The following CUEDC2 variants were observed in gnomAD, a reference collection of about 807,000 sequenced individuals.
CUEDC2 encodes CUE domain-containing protein 2.
A neutral mutation model predicts 36.0 loss-of-function variants in CUEDC2; 10 were observed. That is an observed-to-expected ratio of 0.28 (90% CI 0.17 to 0.47). The LOEUF (loss-of-function observed/expected upper bound fraction) is 0.47, where lower values mean the gene tolerates loss of function less well. CUEDC2 is among the 20% of genes least tolerant of loss of function. CUEDC2 has a pLI of 0.99. For synonymous variants in CUEDC2, 133 were observed against 141.8 expected (o/e 0.94, Z 0.44); for missense variants, 269 against 368.1 (o/e 0.73, Z 2.20).
At chr10:102,429,611 C>T (rs918745859) in intron 1 of CUEDC2, among the ~76,000 whole-genome samples, 1 of 147,728 alleles carries the variant, frequency 6.8e-6, no homozygotes, top group Non-Finnish European at 1.5e-5. Flanking sequence ...ATACCACCTG[C>T]GCCAGAGCCC....
intron 1 of CUEDC2, among the ~76,000 whole-genome samples, chr10:102,428,895 G>A (rs960762294): frequency 1.3e-5 from 2 of 151,868 alleles, no homozygotes; most frequent in Admixed American, 6.6e-5. Flanking sequence ...GGTGGCACGC[G>A]CCTGTAGTCC....
At position 102,423,504 on chromosome 10, in the gene CUEDC2, A is replaced by T; in HGVS notation, c.786T>A (p.Asp262Glu). The change falls in exon 9 of 9, where the codon GAT (aspartate) becomes GAA (glutamate). Residue 262 changes from aspartate (D) to glutamate (E), a missense_variant. Physicochemically the swap from Asp to Glu is conservative, Grantham distance 45. Transcript: ENST00000369937. The surrounding 1 kb of genome is among the most constrained non-coding windows in gnomAD (Gnocchi z 5.6). ...VVSTKGERFK[D>E]VRNPEAEEMK... ...TCTCCTCGGCCTCAGGGTTCCGCAC[A>T]TCTTTGAATCGCTCCCCTTTGGTGC... is the stretch of plus-strand genomic sequence containing the variant. 1 of 1,614,170 alleles carries T rather than the reference A, an allele frequency of 6.2e-7. No individual in the cohort carries two copies. The highest frequency in any genetic ancestry group is 8.5e-7 in the Non-Finnish European group (1 of 1,180,034).
In CUEDC2 at chr10:102,423,583, A is replaced by G. The variant is rs1178454084; in HGVS notation, c.718-11T>C. On this transcript the variant is annotated splice_polypyrimidine_tract_variant and intron_variant, in intron 8 of 8. Coordinates refer to ENST00000369937, the MANE Select transcript of CUEDC2 (RefSeq NM_024040.3). This position sits in a 1 kb window ranked among gnomAD's most constrained non-coding sequence, Gnocchi z 5.6. ...CAGCTTCTTGGGGGCCTGTCAGGCA[A>G]TCAGCAGTGAGTGGCAGAAGCCAGG... 3 of 1,614,026 alleles carry G rather than the reference A, an allele frequency of 1.9e-6. No homozygotes were observed. The highest frequency in any genetic ancestry group is 2.2e-5 in the East Asian group (1 of 44,896).
chr10:102,430,712 C>G (rs773141332), intron 1 of CUEDC2, among the ~76,000 whole-genome samples: 1 of 152,174 alleles, frequency 6.6e-6, no homozygotes. Context: ...TCCCCATCCC[C>G]GGTAGCCTTC....
chr10:102,424,278 C>G lies in CUEDC2; in HGVS notation c.397G>C (p.Asp133His), dbSNP rs779214216. 1 of 1,613,822 alleles carries G rather than the reference C, an allele frequency of 6.2e-7. No individual in the cohort carries two copies. Among genetic ancestry groups the G allele is most frequent in the South Asian group, 1.1e-5 (1 of 91,024 alleles). Residue 133 changes from aspartate (D) to histidine (H), a missense_variant, in exon 5 of 9, where the codon GAC becomes CAC. Transcript: ENST00000369937. The surrounding 1 kb of genome is among the most constrained non-coding windows in gnomAD (Gnocchi z 4.2). Reference sequence around the variant, plus strand: ...TCTACCAGTACCTCATCTTGGGTGTCTGCAGCAGCAGCAGCCGAAGACCTA... The same window carrying G: ...TCTACCAGTACCTCATCTTGGGTGTGTGCAGCAGCAGCAGCCGAAGACCTA... ...ETRSSAAAAA[D>H]TQDEATGAEE...
At chr10:102,425,421 G>GC (rs1301264330) in intron 1 of CUEDC2, among the ~76,000 whole-genome samples, 41 of 142,102 alleles carry the variant, frequency 2.9e-4, no homozygotes, top group Admixed American at 7.0e-4. Flanking sequence ...TAGAGGAGGC[G>GC]CCCCCCCACC....
At chr10:102,428,242 C>A (rs1204023886) in intron 1 of CUEDC2, among the ~76,000 whole-genome samples, 2 of 152,168 alleles carry the variant, frequency 1.3e-5, no homozygotes, top group Non-Finnish European at 2.9e-5. Context: ...CCCGGCCCCA[C>A]CCTGGCTTTC....
intron 1 of CUEDC2, among the ~76,000 whole-genome samples, chr10:102,432,012 G>T (rs12415921): frequency 0.14 from 21,095 of 151,972 alleles, 1,781 homozygotes; most frequent in East Asian, 0.19. Flanking sequence ...GGCAGCAAGG[G>T]GTCTAGCATG....
At chr10:102,431,162 C>G (rs564973487) in intron 1 of CUEDC2, among the ~76,000 whole-genome samples, 1 of 152,186 alleles carries the variant, frequency 6.6e-6, no homozygotes, top group Non-Finnish European at 1.5e-5. Flanking sequence ...ATTTTTGAGA[C>G]GGAGTCTCGC....
At chr10:102,431,036 G>A (rs191300611) in intron 1 of CUEDC2, among the ~76,000 whole-genome samples, 1 of 152,322 alleles carries the variant, frequency 6.6e-6, no homozygotes, top group Admixed American at 6.5e-5. Flanking sequence ...CTCTGCTTAC[G>A]AGGCATTGTC....
At chr10:102,431,915 G>C (rs2061617945) in intron 1 of CUEDC2, among the ~76,000 whole-genome samples, 1 of 152,156 alleles carries the variant, frequency 6.6e-6, no homozygotes, top group Non-Finnish European at 1.5e-5. Context: ...GGGTGGGGAG[G>C]TGCTTAAAGT....
chr10:102,431,118 C>T (rs1239791250), intron 1 of CUEDC2, among the ~76,000 whole-genome samples: 1 of 151,854 alleles, frequency 6.6e-6, no homozygotes, highest in Non-Finnish European at 1.5e-5. Flanking sequence ...TGTTATTCTC[C>T]CCATTTTATT....
chr10:102,425,052 T>C (rs1180037009), intron 2 of CUEDC2, 63 bp downstream of exon 2: 45 of 1,388,992 alleles, frequency 3.2e-5, no homozygotes, highest in Non-Finnish European at 4.4e-5. Flanking sequence ...CCAGTACCCA[T>C]AGTACTGCCC....
chr10:102,423,741 G>A lies in CUEDC2; in HGVS notation c.657-24C>T, dbSNP rs747653979. 38 of 1,614,140 alleles carry A rather than the reference G, an allele frequency of 2.4e-5. No homozygotes were observed. Among genetic ancestry groups the A allele is most frequent in the East Asian group, 1.3e-4 (6 of 44,882 alleles). ...ACCTGTCAAAAACTGGCTGGGTGAA[G>A]CTCCTGTCACCCTGGGAAGACCCTC... On this transcript the variant is annotated intron_variant, in intron 7 of 8. Transcript: ENST00000369937. This position sits in a 1 kb window ranked among gnomAD's most constrained non-coding sequence, Gnocchi z 5.6.
chr10:102,431,766 C>T (rs1352686451), intron 1 of CUEDC2, among the ~76,000 whole-genome samples: 1 of 152,218 alleles, frequency 6.6e-6, no homozygotes, highest in Non-Finnish European at 1.5e-5. Context: ...CCAACCCTAA[C>T]TGCCCCACCT....
At chr10:102,425,016 C>A in intron 2 of CUEDC2, 99 bp downstream of exon 2, 2 of 1,101,086 alleles carry the variant, frequency 1.8e-6, no homozygotes, top group Non-Finnish European at 2.7e-6. Flanking sequence ...AAATCCTAGT[C>A]AGCCCTCCTG....
chr10:102,430,801 C>T (rs1244787607), intron 1 of CUEDC2, among the ~76,000 whole-genome samples: 1 of 152,194 alleles, frequency 6.6e-6, no homozygotes, highest in Non-Finnish European at 1.5e-5. Flanking sequence ...TCTGGTCTGC[C>T]AGACTGGTTT....
At chr10:102,432,370 T>C (rs1381428010) in intron 1 of CUEDC2, among the ~76,000 whole-genome samples, 156 bp downstream of exon 1, 2 of 151,792 alleles carry the variant, frequency 1.3e-5, no homozygotes, top group Non-Finnish European at 2.9e-5. Context: ...CTGAGCAAAC[T>C]GGATGTGCCT....
intron 1 of CUEDC2, among the ~76,000 whole-genome samples, chr10:102,426,528 CA>C (rs1350830901): frequency 3.3e-5 from 5 of 152,222 alleles, no homozygotes; most frequent in Non-Finnish European, 7.3e-5. Context: ...ACCAGTCAAT[CA>C]CCAAGTCTGT....
Sources: allele counts gnomAD v4.1 joint callset (sites outside exome capture counted in the v4.1 genomes callset), GRCh38; gene constraint gnomAD v4.1.1; non-coding constraint Gnocchi (gnomAD v3.1); transcripts MANE v1.5; gene names NCBI Gene and HGNC (gene_info 2026-07-23, HGNC 2026-07-21).